The following GATA3 variants were observed in gnomAD, a reference collection of about 807,000 sequenced individuals.
The protein encoded by GATA3 is trans-acting T-cell-specific transcription factor GATA-3.
A neutral mutation model predicts 36.0 loss-of-function variants in GATA3; 6 were observed. That is an observed-to-expected ratio of 0.17 (90% confidence interval 0.09 to 0.33). The LOEUF (loss-of-function observed/expected upper bound fraction) is 0.33, where lower values mean the gene tolerates loss of function less well. Among genes scored for constraint, GATA3 ranks in the 10% least tolerant of loss-of-function variants. The probability of loss-of-function intolerance (pLI) is 1.00; values close to 1 mark genes in which losing one functional copy is unlikely to be tolerated. For missense variants in GATA3, 514 were observed against 610.1 expected (o/e 0.84, Z 1.66); for synonymous variants, 326 against 273.0 (o/e 1.19, Z -1.92).
At chr10:8,046,778 G>A (rs1354911955) in intron 1 of GATA3, among the ~76,000 whole-genome samples, 1 of 151,958 alleles carries the variant, frequency 6.6e-6, no homozygotes, top group Admixed American at 6.6e-5. Flanking sequence ...CGTGGTGTCA[G>A]TTCAGACCAA....
At position 8,055,709 on chromosome 10, in the gene GATA3, G is replaced by A. The variant is rs767163950; in HGVS notation, c.54G>A (p.Val18=). Residue 18 remains valine, a synonymous_variant, in exon 2 of 6, where the codon GTG becomes GTA. Coordinates refer to ENST00000379328, the MANE Select transcript of GATA3 (RefSeq NM_001002295.2). The surrounding 1 kb of genome is among the most constrained non-coding windows in gnomAD (Gnocchi z 5.4). The part of the protein sequence containing the change: ...PRWVSHHHPA[V]LNGQHPDTHH... ...GGGTGAGCCACCACCACCCCGCCGT[G>A]CTCAACGGGCAGCACCCGGACACGC... 1.3e-6 allele frequency: 2 copies of A among 1,565,044 alleles called. No homozygotes were observed. The highest frequency in any genetic ancestry group is 2.4e-5 in the East Asian group (1 of 41,916).
At chr10:8,045,710 G>A (rs1341142205) in intron 1 of GATA3, among the ~76,000 whole-genome samples, 2 of 152,200 alleles carry the variant, frequency 1.3e-5, no homozygotes, top group Admixed American at 6.5e-5. Flanking sequence ...GGCGGGTACG[G>A]TGTGTGAGTG....
At chr10:8,060,472 A>G (rs1173938048) in intron 3 of GATA3, among the ~76,000 whole-genome samples, 1 of 151,594 alleles carries the variant, frequency 6.6e-6, no homozygotes, top group African/African-American at 2.4e-5. Flanking sequence ...CAGGCTGGGG[A>G]GCTGAATCGA....
At position 8,069,326 on chromosome 10, in the gene GATA3, A is replaced by T. The variant is rs17143213; in HGVS notation, c.925-147A>T. On this transcript the variant is annotated intron_variant, in intron 4 of 5. Transcript: ENST00000379328. ...CTCGAGGCAGCTTTTGGGGATCTGT[A>T]TTACTTTCATGTGGACCACTTGCTA... The T allele has an allele frequency of 2.6e-3, 2,143 of 821,322 alleles. 32 individuals carry two copies. In the African/African-American group the frequency reaches 0.032, roughly 12 times the overall value. The allele number at this position is 821,322 out of a possible 1,614,324, so 50.9% of individuals were successfully genotyped here. A position where few individuals can be genotyped will look rare whatever the true frequency, so the allele number is the denominator to read the frequency against.
chr10:8,058,414 C>T lies in GATA3; in HGVS notation c.351C>T (p.Phe117=), dbSNP rs1382980448. The change falls in exon 3 of 6, where the codon TTC becomes TTT. Residue 117 remains phenylalanine (F), a synonymous_variant. Coordinates refer to ENST00000379328, the MANE Select transcript of GATA3 (RefSeq NM_001002295.2). Reference sequence around the variant, plus strand: ...CCTCCCCCTGGAATCTCAGCCCCTTCTCCAAGACGTCCATCCACCACGGCT... The same window carrying T: ...CCTCCCCCTGGAATCTCAGCCCCTTTTCCAAGACGTCCATCCACCACGGCT... ...HTASPWNLSP[F]SKTSIHHGSP... 3 of 1,612,922 alleles carry T rather than the reference C, an allele frequency of 1.9e-6. No individual in the cohort carries two copies. The highest frequency in any genetic ancestry group is 2.5e-6 in the Non-Finnish European group (3 of 1,179,994).
At chr10:8,050,744 C>T (rs1021569429), upstream of GATA3, 5 of 283,986 alleles carry the variant, frequency 1.8e-5, no homozygotes, top group Non-Finnish European at 3.6e-5. Context: ...TTTGCTGCCT[C>T]GCTGGAAATC....
upstream of GATA3, chr10:8,053,518 G>A (rs578031730): frequency 2.0e-5 from 3 of 152,326 alleles, no homozygotes; most frequent in African/African-American, 7.2e-5. The surrounding 1 kb of genome is among the most constrained non-coding windows in gnomAD (Gnocchi z 5.1). Flanking sequence ...GGAACCCGCG[G>A]GGCGGACCAA....
At chr10:8,063,414 T>G (rs891657977) in intron 3 of GATA3, among the ~76,000 whole-genome samples, 1 of 152,340 alleles carries the variant, frequency 6.6e-6, no homozygotes, top group African/African-American at 2.4e-5. Flanking sequence ...AAGTAAAATC[T>G]AAAACCCTAG....
rs1832900829 is a variant in GATA3, at chr10:8,069,687, C to T, written c.1050+89C>T. 4.8e-6 allele frequency: 7 copies of T among 1,465,220 alleles called. No homozygotes were observed. The South Asian group carries it at 7.0e-5, about 15-fold the overall frequency. 90.8% of individuals were successfully genotyped at this position (1,465,220 alleles called of 1,614,324 possible). A position where few individuals can be genotyped will look rare whatever the true frequency, so the allele number is the denominator to read the frequency against. ...ACCACCACCCTCTCCAAGTGAATCGCTCACCATGGGGGCAGATGACAGGTT... is the reference window on the plus strand; with the variant it reads ...ACCACCACCCTCTCCAAGTGAATCGTTCACCATGGGGGCAGATGACAGGTT... On this transcript the variant is annotated intron_variant, in intron 5 of 5. Coordinates refer to ENST00000379328, the MANE Select transcript of GATA3 (RefSeq NM_001002295.2).
chr10:8,066,848 C>T (rs1832851820), intron 4 of GATA3, among the ~76,000 whole-genome samples: 1 of 152,150 alleles, frequency 6.6e-6, no homozygotes, highest in Admixed American at 6.5e-5. Flanking sequence ...GTACTGGAAG[C>T]ATCTTCCTTT....
Position 8,058,330 on chromosome 10 carries a change from G to T in GATA3, c.267G>T (p.Leu89=). 1.2e-6 allele frequency: 2 copies of T among 1,613,446 alleles called. No individual in the cohort carries two copies. Among genetic ancestry groups the T allele is most frequent in the Non-Finnish European group, 1.7e-6 (2 of 1,179,998 alleles). ...HHGSQVCRPP[L]LHGSLPWLDG... ...GGAGCCAGGTGTGCCGCCCGCCTCT[G>T]CTTCATGGATCCCTACCCTGGCTGG... The change falls in exon 3 of 6, where the codon CTG becomes CTT. Residue 89 remains leucine, a synonymous_variant. Coordinates refer to ENST00000379328, the MANE Select transcript of GATA3 (RefSeq NM_001002295.2).
Position 8,074,057 on chromosome 10 carries a change from G to A in GATA3, c.*34G>A, listed in dbSNP as rs1025677004. The A allele has an allele frequency of 6.2e-7, 1 of 1,611,904 alleles. No individual in the cohort carries two copies. The highest frequency in any genetic ancestry group is 1.1e-5 in the South Asian group (1 of 91,022). On this transcript the variant is annotated 3_prime_UTR_variant, in exon 6 of 6. Coordinates refer to ENST00000379328, the MANE Select transcript of GATA3 (RefSeq NM_001002295.2). ...TCGATGCTCACAGGGCCCCCAGCGA[G>A]AGTCCCTGCAGTCCCTTTCGACTTG...
chr10:8,060,360 C>T (rs1832727055), intron 3 of GATA3, among the ~76,000 whole-genome samples: 1 of 152,004 alleles, frequency 6.6e-6, no homozygotes, highest in African/African-American at 2.4e-5. Flanking sequence ...AGCAAGAGGC[C>T]GGGAGAGCTG....
In GATA3 at chr10:8,058,538, A is replaced by G; in HGVS notation, c.475A>G (p.Lys159Glu). Reference protein sequence around the residue: ...HLFTFPPTPPKDVSPDPSLST... With the variant: ...HLFTFPPTPPEDVSPDPSLST... ...CTTCACCTTCCCGCCCACCCCGCCGAAGGACGTCTCCCCGGACCCATCGCT... is the reference window on the plus strand; with the variant it reads ...CTTCACCTTCCCGCCCACCCCGCCGGAGGACGTCTCCCCGGACCCATCGCT... The change falls in exon 3 of 6, where the codon AAG becomes GAG. Residue 159 changes from lysine (K) to glutamate (E), a missense_variant. Transcript: ENST00000379328. 6.2e-7 allele frequency: 1 copy of G among 1,608,092 alleles called. No homozygotes were observed. Among genetic ancestry groups the G allele is most frequent in the South Asian group, 1.1e-5 (1 of 90,992 alleles).
intron 3 of GATA3, among the ~76,000 whole-genome samples, chr10:8,061,800 G>A (rs1384642937): frequency 6.6e-6 from 1 of 152,198 alleles, no homozygotes; most frequent in African/African-American, 2.4e-5. Context: ...ATCATGTCAG[G>A]CTGGGAGGTC....
chr10:8,052,509 G>A (rs1588370519), upstream of GATA3: 1 of 152,326 alleles, frequency 6.6e-6, no homozygotes, highest in Non-Finnish European at 1.5e-5. Flanking sequence ...TCGGCTCTGA[G>A]GTCTCCGCGC....
intron 4 of GATA3, among the ~76,000 whole-genome samples, chr10:8,068,876 A>C (rs1286930269): frequency 6.6e-6 from 1 of 152,244 alleles, no homozygotes; most frequent in Non-Finnish European, 1.5e-5. Flanking sequence ...TTGCACAGAC[A>C]TTCTTTGCAG....
upstream of GATA3, chr10:8,050,959 G>A: frequency 2.1e-6 from 1 of 479,108 alleles, no homozygotes; most frequent in Non-Finnish European, 4.3e-6. Flanking sequence ...TCGGCCCCGC[G>A]GAGCTCGCCT....
chr10:8,069,903 T>G (rs1832904393), intron 5 of GATA3, among the ~76,000 whole-genome samples: 1 of 151,974 alleles, frequency 6.6e-6, no homozygotes, highest in Non-Finnish European at 1.5e-5. Context: ...AAAAAAATCT[T>G]CCTTTTGGAA....
Sources: allele counts gnomAD v4.1 joint callset (sites outside exome capture counted in the v4.1 genomes callset), GRCh38; gene constraint gnomAD v4.1.1; non-coding constraint Gnocchi (gnomAD v3.1); transcripts MANE v1.5; gene names NCBI Gene and HGNC (gene_info 2026-07-23, HGNC 2026-07-21).